Variants in MEG3 observed in about 807,000 individuals in gnomAD.
MEG3 encodes the protein maternally expressed 3.
At chr14:100,854,438 T>A (rs188077870), upstream of MEG3, 6 of 152,218 alleles carry the variant, frequency 3.9e-5, no homozygotes, top group African/African-American at 1.2e-4. Flanking sequence ...AAAGTAGTGT[T>A]TAGGAGATTC....
At chr14:100,844,442 C>A (rs2037852358) in intron 2 of MEG3, among the ~76,000 whole-genome samples, 1 of 151,984 alleles carries the variant, frequency 6.6e-6, no homozygotes, top group African/African-American at 2.4e-5. Flanking sequence ...TTTTAAAAGC[C>A]ATTCATTCAA....
Position 100,844,676 on chromosome 14 carries a change from C to T in MEG3, n.3046-782C>T, listed in dbSNP as rs183869211. 7.6e-4 allele frequency among the ~76,000 whole-genome samples: 116 copies of T among 152,240 alleles called. 3 individuals are homozygous for T. The highest frequency in any genetic ancestry group is 3.9e-3 in the South Asian group (19 of 4,812). On this transcript the variant is annotated intron_variant and non_coding_transcript_variant, in intron 2 of 3. Transcript: ENST00000398461. ...CATCATTAGGGCTCACTCTTTGTGG[C>T]GCACATCCTGTGGGTCTTGACAAAT...
chr14:100,831,361 C>G (rs1321128775), downstream of MEG3: 1 of 152,762 alleles, frequency 6.5e-6, no homozygotes, highest in Non-Finnish European at 1.5e-5. Context: ...AGCCTGGAGC[C>G]TCCCAGGTCC....
exon 1 of MEG3, chr14:100,857,456 T>A (rs190164013): frequency 1.7e-4 from 26 of 152,338 alleles, no homozygotes; most frequent in African/African-American, 5.3e-4. Context: ...GGGATTTGTC[T>A]TGAAAGCATG....
At chr14:100,852,621 C>T (rs144981880), upstream of MEG3, 991 of 342,708 alleles carry the variant, frequency 2.9e-3, 6 homozygotes, top group African/African-American at 0.016. Context: ...GAGGATGGGG[C>T]GGGAGGGGTT....
chr14:100,835,150 C>T (rs1018408479), exon 1 of MEG3: 16 of 271,620 alleles, frequency 5.9e-5, no homozygotes, highest in African/African-American at 1.1e-4. Flanking sequence ...CTGCTCTGGT[C>T]GGAGCCAGCC....
chr14:100,843,568 A>T (rs2037822395), intron 2 of MEG3, among the ~76,000 whole-genome samples: 1 of 152,210 alleles, frequency 6.6e-6, no homozygotes, highest in African/African-American at 2.4e-5. Context: ...GTTATGGCAG[A>T]ACAGGGTTTA....
At chr14:100,850,236 A>C (rs1343454522) in intron 3 of MEG3, 1 of 152,244 alleles carries the variant, frequency 6.6e-6, no homozygotes, top group Admixed American at 6.5e-5. Context: ...AGGGACCAGC[A>C]TGAAGGTGGT....
chr14:100,847,056 A>G (rs2037939095), intron 3 of MEG3: 1 of 152,170 alleles, frequency 6.6e-6, no homozygotes, highest in Non-Finnish European at 1.5e-5. Context: ...GAGGATGAGT[A>G]ATGAGTAACT....
exon 3 of MEG3, chr14:100,829,107 A>C (rs2037329827): frequency 6.6e-6 from 1 of 152,262 alleles, no homozygotes; most frequent in Non-Finnish European, 1.5e-5. Flanking sequence ...CAGGACCAGG[A>C]TGGCAAAGGA....
At chr14:100,844,311 C>T (rs1313727027) in intron 2 of MEG3, among the ~76,000 whole-genome samples, 1 of 152,178 alleles carries the variant, frequency 6.6e-6, no homozygotes, top group African/African-American at 2.4e-5. Flanking sequence ...AGACCTTGGC[C>T]CTGTCCTCCT....
intron 3 of MEG3, chr14:100,847,403 A>G (rs2037949050): frequency 2.6e-5 from 4 of 152,244 alleles, no homozygotes; most frequent in African/African-American, 9.6e-5. Flanking sequence ...AGTCCTGGGC[A>G]CTGAGGTCTG....
rs71113293 is a variant in MEG3 at position 100,841,638 on chromosome 14, C to CGG, written n.3046-3813_3046-3812dup. 7.2e-4 allele frequency among the ~76,000 whole-genome samples: 110 copies of CGG among 151,760 alleles called. 3 individuals are homozygous for CGG. The East Asian group carries it at 0.013, about 18-fold the overall frequency. On this transcript the variant is annotated intron_variant and non_coding_transcript_variant, in intron 2 of 3. Coordinates refer to the MEG3 transcript ENST00000398461. ...CCAGCTCCTGTGTGACCTGTGTGGT[C>CGG]GGGGGGGGTCACAGTCACCGGTCAT...
chr14:100,840,477 G>A (rs991744041), intron 2 of MEG3, among the ~76,000 whole-genome samples: 4 of 148,792 alleles, frequency 2.7e-5, no homozygotes, highest in Admixed American at 2.0e-4. Context: ...CTGTGAATGC[G>A]CCCTTTCAAT....
intron 3 of MEG3, chr14:100,849,681 T>A: frequency 6.6e-6 from 1 of 152,112 alleles, no homozygotes; most frequent in East Asian, 1.9e-4. Context: ...AAGAGTAGGA[T>A]CTGTTAGGAT....
intron 3 of MEG3, chr14:100,849,676 T>A (rs1486597372): frequency 1.3e-5 from 2 of 152,000 alleles, no homozygotes; most frequent in Non-Finnish European, 2.9e-5. Context: ...TCTGTAAGAG[T>A]AGGATCTGTT....
intron 2 of MEG3, among the ~76,000 whole-genome samples, chr14:100,843,136 G>A (rs757885201): frequency 4.0e-4 from 61 of 152,278 alleles, no homozygotes; most frequent in African/African-American, 1.3e-3. Flanking sequence ...AATTAAGGAC[G>A]GTCAGGGACT....
intron 2 of MEG3, among the ~76,000 whole-genome samples, chr14:100,840,406 G>A (rs942775810): frequency 1.4e-5 from 2 of 145,040 alleles, no homozygotes; most frequent in African/African-American, 5.8e-5. Flanking sequence ...GGAGCCCCCC[G>A]TGGGGAACAG....
intron 2 of MEG3, among the ~76,000 whole-genome samples, chr14:100,843,235 A>C (rs1336475422): frequency 1.3e-5 from 2 of 152,234 alleles, no homozygotes; most frequent in Non-Finnish European, 2.9e-5. Flanking sequence ...TATTAAAAAC[A>C]CAAAAAAGAA....
Sources: gnomAD v4.1 joint callset for allele counts (sites outside exome capture counted in the v4.1 genomes callset) on GRCh38, gnomAD v4.1.1 for gene constraint, MANE v1.5 for transcripts, NCBI Gene and HGNC (gene_info 2026-07-23, HGNC 2026-07-21) for gene names.